Variants in DCC observed in about 807,000 individuals in gnomAD.
The protein encoded by DCC is netrin receptor DCC.
In DCC, 58 loss-of-function variants were observed where a neutral mutation model predicts 172.5. The observed-to-expected ratio is 0.34, with a 90% CI of 0.27 to 0.42. The LOEUF (loss-of-function observed/expected upper bound fraction) is 0.42. DCC is among the 10% of genes least tolerant of loss of function. The pLI is 1.00. For synonymous variants in DCC, 709 were observed against 644.5 expected, an observed-to-expected ratio of 1.10 and a Z score of -1.52; for missense variants, 1,740 against 1,791.0, an observed-to-expected ratio of 0.97 and a Z score of 0.51.
At chr18:52,599,907 G>A (rs1017048338) in intron 1 of DCC, among the ~76,000 whole-genome samples, 1 of 151,974 alleles carries the variant, frequency 6.6e-6, no homozygotes, top group Non-Finnish European at 1.5e-5. Context: ...TGCTGTTATC[G>A]CCCCTGTTCT....
At chr18:52,889,610 C>T (rs16955790) in intron 2 of DCC, among the ~76,000 whole-genome samples, 13,055 of 152,144 alleles carry the variant, frequency 0.086, 915 homozygotes, top group East Asian at 0.3. Context: ...ACAGAAGTCA[C>T]TTTACAAAAT....
In DCC at chr18:52,983,762, T is replaced by C. The variant is rs549331606; in HGVS notation, c.985+58392T>C. On this transcript the variant is annotated intron_variant, in intron 5 of 28. Transcript: ENST00000442544. ...CTCTGCCTAGAGCAGTCTGGAATTA[T>C]AGAGATGGGCTGCAGAAATTTACAT... 2.9e-4 allele frequency among the ~76,000 whole-genome samples: 44 copies of C among 152,288 alleles called. 1 individual carries two copies. The highest frequency in any genetic ancestry group is 2.1e-3 in the South Asian group (10 of 4,826).
In DCC at chr18:53,532,125, G is replaced by A. The variant is rs1466911441; in HGVS notation, c.*1472G>A. 4 of 152,132 alleles carry A rather than the reference G, an allele frequency of 2.6e-5. No individual in the cohort carries two copies. The highest frequency in any genetic ancestry group is 9.7e-5 in the African/African-American group (4 of 41,430). The allele number at this position is 152,132 out of a possible 1,614,324, so 9.4% of individuals were successfully genotyped here. ...GGTGACTTGAAAACCCAATGAGAGA[G>A]TTTCAGCTGAATTATTCCTTTCAGC... On this transcript the variant is annotated 3_prime_UTR_variant, in exon 29 of 29. Transcript: ENST00000442544.
chr18:52,479,168 G>A (rs1989181220), intron 1 of DCC, among the ~76,000 whole-genome samples: 1 of 152,124 alleles, frequency 6.6e-6, no homozygotes, highest in African/African-American at 2.4e-5. Flanking sequence ...TATTAGTACA[G>A]CAACTGGCTC....
intron 2 of DCC, among the ~76,000 whole-genome samples, chr18:52,808,977 C>T (rs968306800): frequency 6.6e-6 from 1 of 152,052 alleles, no homozygotes. Flanking sequence ...TTACTTTAAC[C>T]CTAGGTTTAT....
chr18:53,372,085 C>T (rs972041457), intron 15 of DCC, among the ~76,000 whole-genome samples: 2 of 152,028 alleles, frequency 1.3e-5, no homozygotes, highest in African/African-American at 4.8e-5. Flanking sequence ...AGAGAATTAC[C>T]ATTTGACTGA....
intron 1 of DCC, among the ~76,000 whole-genome samples, chr18:52,467,959 G>T: frequency 6.6e-6 from 1 of 152,138 alleles, no homozygotes; most frequent in Middle Eastern, 3.2e-3. Flanking sequence ...TCCTTTGTCA[G>T]ATGGATAGAT....
intron 1 of DCC, among the ~76,000 whole-genome samples, chr18:52,600,020 A>G (rs1789945186): frequency 6.6e-6 from 1 of 152,134 alleles, no homozygotes. Context: ...TCATATTCTC[A>G]ACCTTTTCAA....
At chr18:53,198,059 T>C (rs2055475675) in intron 9 of DCC, among the ~76,000 whole-genome samples, 1 of 152,134 alleles carries the variant, frequency 6.6e-6, no homozygotes, top group Admixed American at 6.5e-5. Context: ...TAGCATTTGA[T>C]TAAAAGTTGA....
chr18:52,382,967 A>G (rs1568142969), intron 1 of DCC, among the ~76,000 whole-genome samples: 1 of 152,130 alleles, frequency 6.6e-6, no homozygotes, highest in Non-Finnish European at 1.5e-5. Context: ...TTATGCACAA[A>G]TAAAATTTAG....
At chr18:53,089,587 C>CCAAAAA (rs1410640642) in intron 7 of DCC, among the ~76,000 whole-genome samples, 2 of 113,964 alleles carry the variant, frequency 1.8e-5, no homozygotes, top group Non-Finnish European at 3.9e-5. Flanking sequence ...AAAAAAAAAA[C>CCAAAAA]CAAAAAACAA....
At chr18:53,484,085 G>T (rs1038101569) in intron 25 of DCC, among the ~76,000 whole-genome samples, 5 of 151,690 alleles carry the variant, frequency 3.3e-5, no homozygotes, top group African/African-American at 4.8e-5. Flanking sequence ...TGAACAATTT[G>T]AACTTCTCCC....
intron 7 of DCC, among the ~76,000 whole-genome samples, chr18:53,131,953 A>ATTTTTTTTT (rs71175556): frequency 1.7e-4 from 10 of 58,280 alleles, no homozygotes; most frequent in African/African-American, 3.7e-4. Context: ...TCTCTAAGTG[A>ATTTTTTTTT]TTTTTTTTTT....
intron 12 of DCC, among the ~76,000 whole-genome samples, chr18:53,301,463 G>T (rs1456163190): frequency 2.6e-5 from 4 of 151,996 alleles, no homozygotes; most frequent in African/African-American, 9.7e-5. Context: ...AAAAACCTCT[G>T]TGTGCTTATT....
chr18:53,148,865 C>CTTTTTTTTTTTTTTTT lies in DCC; in HGVS notation c.1262-8489_1262-8474dup, dbSNP rs5824990. Among the ~76,000 whole-genome samples the CTTTTTTTTTTTTTTTT allele has an allele frequency of 1.0e-4, 11 of 109,818 alleles. 1 individual carries two copies. Among genetic ancestry groups the CTTTTTTTTTTTTTTTT allele is most frequent in the African/African-American group, 2.2e-4 (6 of 26,710 alleles). The allele number at this position is 109,818 out of a possible 152,430, so 72.0% of individuals were successfully genotyped here. On this transcript the variant is annotated intron_variant, in intron 7 of 28. Transcript: ENST00000442544. ...AAACTAGCTCAGAACTTCCCAATGC[C>CTTTTTTTTTTTTTTTT]TTTTTTTTTTTTTTTTTGGACAAAG...
At chr18:52,779,261 T>A (rs922039811) in intron 2 of DCC, among the ~76,000 whole-genome samples, 4 of 152,180 alleles carry the variant, frequency 2.6e-5, no homozygotes, top group Non-Finnish European at 5.9e-5. Context: ...CCCATCATCC[T>A]GTCATCTACG....
intron 5 of DCC, among the ~76,000 whole-genome samples, chr18:52,988,899 C>T (rs1297830775): frequency 1.3e-5 from 2 of 152,010 alleles, no homozygotes; most frequent in African/African-American, 4.8e-5. Context: ...TGGCAAAACA[C>T]TCCAGGTTTT....
chr18:52,964,813 A>C (rs896438334), intron 5 of DCC, among the ~76,000 whole-genome samples: 1 of 152,184 alleles, frequency 6.6e-6, no homozygotes, highest in Admixed American at 6.5e-5. Flanking sequence ...AATTTGCAGA[A>C]ATCAGCGCGT....
chr18:53,489,688 T>C (rs1035312186), intron 26 of DCC, among the ~76,000 whole-genome samples: 2 of 152,196 alleles, frequency 1.3e-5, no homozygotes, highest in African/African-American at 4.8e-5. Context: ...ATTCCAAAGG[T>C]CTGCTGCCTT....
Sources: allele counts gnomAD v4.1 joint callset (sites outside exome capture counted in the v4.1 genomes callset), GRCh38; gene constraint gnomAD v4.1.1; transcripts MANE v1.5; gene names NCBI Gene and HGNC (gene_info 2026-07-23, HGNC 2026-07-21).